Variants in MYH2 observed in about 807,000 individuals in gnomAD.
MYH2 encodes myosin heavy chain 2, also known as myosin-2.
MYH2 carries 139 observed loss-of-function variants against 228.1 expected under a neutral mutation model. The ratio of observed to expected loss-of-function variants is 0.61; its 90% CI spans 0.53 to 0.70. The LOEUF is 0.70. Ranked by LOEUF, MYH2 falls within the 30% of genes least tolerant of loss-of-function variation. MYH2 has a pLI of 0.00. For synonymous variants in MYH2, 796 were observed against 871.1 expected, an observed-to-expected ratio of 0.91 and a Z score of 1.52; for missense variants, 1,809 against 2,357.5, an observed-to-expected ratio of 0.77 and a Z score of 4.82.
chr17:10,540,515 A>G, intron 11 of MYH2, 79 bp downstream of exon 11: 2 of 1,241,398 alleles, frequency 1.6e-6, no homozygotes, highest in South Asian at 2.5e-5. Flanking sequence ...TGCCATTTCT[A>G]CTAGACACTG....
Position 10,533,618 on chromosome 17 carries a change from T to C in MYH2, c.2195A>G (p.Asn732Ser). The change falls in exon 20 of 40, where the codon AAT becomes AGT. Residue 732 changes from asparagine (N) to serine (S), a missense_variant. Physicochemically the swap from Asn to Ser is conservative, Grantham distance 46 (BLOSUM62 1). Around this residue, in one of 9 missense-constraint regions of MYH2, gnomAD observed 276 missense variants for 344.2 expected, o/e 0.80. Coordinates refer to ENST00000245503, the MANE Select transcript of MYH2 (RefSeq NM_017534.6). Reference protein sequence around the residue: ...ADFKQRYKVLNASAIPEGQFI... With the variant: ...ADFKQRYKVLSASAIPEGQFI... The stretch of plus-strand genomic sequence containing the variant: ...TTGCCCTTCAGGGATTGCACTTGCA[T>C]TTAATACCTTGTATCTGTTGAAGTA... 1 of 1,614,170 alleles carries C rather than the reference T, an allele frequency of 6.2e-7. No homozygotes were observed. Among genetic ancestry groups the C allele is most frequent in the Non-Finnish European group, 8.5e-7 (1 of 1,179,966 alleles).
rs745807547 is a variant in MYH2 at position 10,529,040 on chromosome 17, G to T, written c.3394C>A (p.Arg1132=). 6 of 1,614,224 alleles carry T rather than the reference G, an allele frequency of 3.7e-6. No individual in the cohort carries two copies. In the East Asian group the frequency reaches 1.1e-4, roughly 30 times the overall value. The change falls in exon 27 of 40, where the codon CGG becomes AGG. Residue 1132 remains arginine (R), a synonymous_variant. Transcript: ENST00000245503. The stretch of plus-strand genomic sequence containing the variant: ...TTCTCTGCTTTGGCCCGGGAGGCCC[G>T]CTCTGCCTCGATTTCCTCCTCCAGC... The part of the protein sequence containing the change: ...EELEEEIEAE[R]ASRAKAEKQR...
Position 10,536,822 on chromosome 17 carries a change from C to T in MYH2, c.1898-216G>A, listed in dbSNP as rs535442700. ...ATGAGGCCAGGGATATTCACCTGAC[C>T]GTATAGAGAGGGATTCCCTAATATT... On this transcript the variant is annotated intron_variant, in intron 16 of 39. Coordinates refer to ENST00000245503, the MANE Select transcript of MYH2 (RefSeq NM_017534.6). Among the ~76,000 whole-genome samples, 61 of 152,218 alleles carry T rather than the reference C, an allele frequency of 4.0e-4. No homozygotes were observed. In the South Asian group the frequency reaches 0.012, roughly 29 times the overall value.
chr17:10,544,767 A>G (rs1287101448), intron 5 of MYH2, among the ~76,000 whole-genome samples: 4 of 152,344 alleles, frequency 2.6e-5, no homozygotes, highest in South Asian at 4.1e-4. Context: ...TCTAGCCAAG[A>G]CAATATTGTA....
At chr17:10,543,063 A>G (rs1157446954) in intron 9 of MYH2, 35 bp downstream of exon 9, 6 of 1,597,936 alleles carry the variant, frequency 3.8e-6, no homozygotes, top group Non-Finnish European at 5.1e-6. Context: ...GGTCATATGA[A>G]TCAGAAATGA....
chr17:10,534,949 A>C, intron 19 of MYH2, 124 bp downstream of exon 19: 1 of 1,243,382 alleles, frequency 8.0e-7, no homozygotes, highest in Non-Finnish European at 1.2e-6. Context: ...GAGACTTGTA[A>C]TTTTTTTACT....
chr17:10,537,097 C>T lies in MYH2; in HGVS notation c.1897+136G>A. On this transcript the variant is annotated intron_variant, in intron 16 of 39. Transcript: ENST00000245503. The surrounding 1 kb of genome is among the most constrained non-coding windows in gnomAD (Gnocchi z 4.0). ...GAGCCACAAATGTATAATTACAAGG[C>T]TGCCTATCTATTCAATACTTGGAGG... 8.6e-7 allele frequency: 1 copy of T among 1,165,718 alleles called. No individual in the cohort carries two copies. 72.2% of individuals were successfully genotyped at this position (1,165,718 alleles called of 1,614,324 possible).
rs771995436 is a variant in MYH2 at position 10,533,273 on chromosome 17, T to C, written c.2441+12A>G. 4 of 1,613,968 alleles carry C rather than the reference T, an allele frequency of 2.5e-6. No homozygotes were observed. In the African/African-American group the frequency reaches 5.3e-5, roughly 22 times the overall value. On this transcript the variant is annotated intron_variant, in intron 21 of 39. Transcript: ENST00000245503. ...TGAAGATGGAATATGTGAATAAACA[T>C]ATTTTTTATACCTTCTCTCCACCAT...
intron 2 of MYH2, 130 bp from the exon 3 acceptor site, chr17:10,548,070 A>G (rs2073657972): frequency 1.3e-6 from 1 of 780,636 alleles, no homozygotes; most frequent in South Asian, 1.6e-5. Context: ...ACCATACTAT[A>G]GTTACTGAGA....
rs774213421 is a variant in MYH2, at chr17:10,524,567, C to A, written c.5074G>T (p.Glu1692Ter). The change falls in exon 35 of 40, where the codon GAG (glutamate) becomes TAG (stop). Residue 1692 changes from glutamate (E) to a stop codon, truncating the protein, a stop_gained. Coordinates refer to ENST00000245503, the MANE Select transcript of MYH2 (RefSeq NM_017534.6). LOFTEE classifies it high-confidence loss of function. The surrounding 1 kb of genome is among the most constrained non-coding windows in gnomAD (Gnocchi z 4.7). ...RRANLLQAEI[E>*]ELRATLEQTE... Reference sequence around the variant, plus strand: ...TGTTCCAGAGTGGCCCGCAGCTCCTCGATCTCAGCCTGCAGCAGGTTGGCT... The same window carrying A: ...TGTTCCAGAGTGGCCCGCAGCTCCTAGATCTCAGCCTGCAGCAGGTTGGCT... 6.2e-7 allele frequency: 1 copy of A among 1,614,210 alleles called. No individual in the cohort carries two copies. Among genetic ancestry groups the A allele is most frequent in the Non-Finnish European group, 8.5e-7 (1 of 1,180,036 alleles).
chr17:10,526,098 T>C (rs2073349206), intron 30 of MYH2, among the ~76,000 whole-genome samples: 1 of 151,850 alleles, frequency 6.6e-6, no homozygotes, highest in Admixed American at 6.6e-5. Flanking sequence ...CACAAACAAG[T>C]GAGAGAGGTA....
At chr17:10,533,834 C>T (rs1159445975) in intron 19 of MYH2, among the ~76,000 whole-genome samples, 2 of 152,202 alleles carry the variant, frequency 1.3e-5, no homozygotes, top group Non-Finnish European at 2.9e-5. Context: ...TTGCAACTTT[C>T]CTTTCTGTCT....
chr17:10,539,319 G>A lies in MYH2; in HGVS notation c.1302C>T (p.Val434=). 6.2e-7 allele frequency: 1 copy of A among 1,614,212 alleles called. No homozygotes were observed. The highest frequency in any genetic ancestry group is 8.5e-7 in the Non-Finnish European group (1 of 1,180,042). Residue 434 remains valine (V), a synonymous_variant, in exon 14 of 40, where the codon GTC becomes GTT. Transcript: ENST00000245503. ...SNAVGALAKA[V]YEKMFLWMVA... ...CCATCCACAGGAACATCTTCTCGTAGACGGCTTTGGCCAGAGCACCTACTG... is the reference window on the plus strand; with the variant it reads ...CCATCCACAGGAACATCTTCTCGTAAACGGCTTTGGCCAGAGCACCTACTG...
Position 10,526,934 on chromosome 17 carries a change from T to C in MYH2, c.3990+4A>G. ...GAAAAAATCAGTCTTAGAATCATAA[T>C]TACTTTTATCTCCTCTTCAAGTTGC... On this transcript the variant is annotated splice_donor_region_variant and intron_variant, in intron 29 of 39. Transcript: ENST00000245503. 3 of 1,613,806 alleles carry C rather than the reference T, an allele frequency of 1.9e-6. No individual in the cohort carries two copies. The highest frequency in any genetic ancestry group is 2.5e-6 in the Non-Finnish European group (3 of 1,179,658).
Position 10,542,935 on chromosome 17 carries a change from C to T in MYH2, c.844G>A (p.Ala282Thr), listed in dbSNP as rs200531516. Residue 282 changes from alanine (A) to threonine (T), a missense_variant, in exon 10 of 40, where the codon GCT becomes ACT. Coordinates refer to ENST00000245503, the MANE Select transcript of MYH2 (RefSeq NM_017534.6). Reference protein sequence around the residue: ...EKSRVVFQLKAERSYHIFYQI... With the variant: ...EKSRVVFQLKTERSYHIFYQI... ...TAAAAAATATGATAACTTCTCTCAG[C>T]CTTAAGCTGGAAAACAACTCTAGAC... The T allele has an allele frequency of 6.2e-6, 10 of 1,612,872 alleles. No homozygotes were observed. Among genetic ancestry groups the T allele is most frequent in the Non-Finnish European group, 8.5e-6 (10 of 1,179,104 alleles).
In MYH2 at chr17:10,547,662, AAAC is replaced by A. The variant is rs757525644; in HGVS notation, c.205-47_205-45del. The A allele has an allele frequency of 1.4e-5, 22 of 1,614,056 alleles. No homozygotes were observed. In the East Asian group the frequency reaches 1.8e-4, roughly 13 times the overall value. On this transcript the variant is annotated intron_variant, in intron 3 of 39. Transcript: ENST00000245503. ...AACCGTTTACATTAATTGAGTGACC[AAAC>A]AACAACAACAAAAATCAATAAAATG...
chr17:10,547,602 T>A lies in MYH2; in HGVS notation c.221A>T (p.Asp74Val). The A allele has an allele frequency of 6.2e-7, 1 of 1,614,164 alleles. No homozygotes were observed. The highest frequency in any genetic ancestry group is 8.5e-7 in the Non-Finnish European group (1 of 1,180,030). ...AGGGTTCATGGGGAAGACCTGATCA[T>A]CCTTCACTGTCAGAGTCTGGTAAAC... is the stretch of plus-strand genomic sequence containing the variant. ...TEGGATLTVK[D>V]DQVFPMNPPK... The change falls in exon 4 of 40, where the codon GAT (aspartate) becomes GTT (valine). Residue 74 changes from aspartate (D) to valine (V), a missense_variant. Transcript: ENST00000245503.
Position 10,535,118 on chromosome 17 carries a change from C to T in MYH2, c.2135G>A (p.Arg712Lys). Residue 712 changes from arginine (R) to lysine (K), a missense_variant, in exon 19 of 40, where the codon AGG becomes AAG. Physicochemically the swap from Arg to Lys is conservative, Grantham distance 26. Coordinates refer to ENST00000245503, the MANE Select transcript of MYH2 (RefSeq NM_017534.6). ...AAGGATTCTGCTTGGAAATCCTTTC[C>T]TACAGATGCGGATGCCTTCCAGCAC... ...NGVLEGIRIC[R>K]KGFPSRILYA... The T allele has an allele frequency of 1.2e-6, 2 of 1,614,128 alleles. No individual in the cohort carries two copies. The highest frequency in any genetic ancestry group is 8.5e-7 in the Non-Finnish European group (1 of 1,180,032).
chr17:10,528,700 G>A lies in MYH2; in HGVS notation c.3734C>T (p.Ser1245Phe). ...DDLASNVETV[S>F]KAKGNLEKMC... Reference sequence around the variant, plus strand: ...CAGAATTTGTAGTACCTTGGCTTTGGAGACCGTTTCTACATTACTAGCAAG... The same window carrying A: ...CAGAATTTGTAGTACCTTGGCTTTGAAGACCGTTTCTACATTACTAGCAAG... The change falls in exon 27 of 40, where the codon TCC (serine) becomes TTC (phenylalanine). Residue 1245 changes from serine to phenylalanine, a missense_variant. By Grantham distance (155) the Ser-to-Phe change is radical. Coordinates refer to ENST00000245503, the MANE Select transcript of MYH2 (RefSeq NM_017534.6). 1 of 1,613,936 alleles carries A rather than the reference G, an allele frequency of 6.2e-7. No individual in the cohort carries two copies. Among genetic ancestry groups the A allele is most frequent in the Non-Finnish European group, 8.5e-7 (1 of 1,179,920 alleles).
Sources: gnomAD v4.1 joint callset for allele counts (sites outside exome capture counted in the v4.1 genomes callset) on GRCh38, gnomAD v4.1.1 for gene constraint, gnomAD v4.1.1 regional missense constraint, Gnocchi (gnomAD v3.1) non-coding constraint, MANE v1.5 for transcripts, NCBI Gene and HGNC (gene_info 2026-07-23, HGNC 2026-07-21) for gene names.